SP140: variants seen among roughly 807,000 people sequenced by gnomAD.
The protein encoded by SP140 is nuclear body protein SP140.
A neutral mutation model predicts 125.0 loss-of-function variants in SP140; 81 were observed. The observed-to-expected ratio is 0.65, with a 90% CI of 0.54 to 0.78. The LOEUF (loss-of-function observed/expected upper bound fraction) is 0.78, where lower values mean the gene tolerates loss of function less well. Among genes scored for constraint, SP140 ranks in the 30% least tolerant of loss-of-function variants. SP140 has a pLI of 0.00. For missense variants in SP140, 858 were observed against 1,037.0 expected (o/e 0.83, Z 2.37); for synonymous variants, 312 against 354.0 (o/e 0.88, Z 1.33).
downstream of SP140, among the ~76,000 whole-genome samples, chr2:230,315,860 A>C (rs1390265536): frequency 6.6e-6 from 1 of 152,184 alleles, no homozygotes; most frequent in East Asian, 1.9e-4. Context: ...CCTAAAACTT[A>C]ACCAAGGAGT....
chr2:230,311,057 A>G, intron 24 of SP140, 97 bp from the exon 25 acceptor site: 1 of 1,594,192 alleles, frequency 6.3e-7, no homozygotes, highest in Non-Finnish European at 8.5e-7. Context: ...TGTTAGAGAA[A>G]CTTGAGGAAG....
chr2:230,211,510 G>T lies in SP140; in HGVS notation c.-322-2144G>T, dbSNP rs1167489264. ...AGGGAGAGTGGGGCATCTCTTGAGG[G>T]TCTTCTTTATCTCTTATTTGGGGGA... is the stretch of plus-strand genomic sequence containing the variant. On this transcript the variant is annotated intron_variant, in intron 1 of 4. Coordinates refer to the SP140 transcript ENST00000456542. The surrounding 1 kb of genome is among the most constrained non-coding windows in gnomAD (Gnocchi z 4.2). The T allele has an allele frequency of 1.9e-6, 3 of 1,612,030 alleles. No homozygotes were observed. Among genetic ancestry groups the T allele is most frequent in the Non-Finnish European group, 2.5e-6 (3 of 1,178,084 alleles).
the SP140 span, among the ~76,000 whole-genome samples, chr2:230,195,541 G>A: frequency 6.6e-6 from 1 of 152,012 alleles, no homozygotes; most frequent in African/African-American, 2.4e-5. Context: ...TGTTGGCCAG[G>A]CTGGTCTTGA....
chr2:230,248,004 T>C lies in SP140; in HGVS notation c.831T>C (p.Ser277=), dbSNP rs745919760. The change falls in exon 8 of 27, where the codon AGT becomes AGC. Residue 277 remains serine, a synonymous_variant. Coordinates refer to ENST00000392045, the MANE Select transcript of SP140 (RefSeq NM_007237.5). ...EKQGEEEGRN[S]PRKRNQDKEK... is the part of the protein sequence containing the mutation. ...AGGGAGAGGAGGAAGGCAGGAACAG[T>C]CCCAGAAAAAGAAACCAAGACAAGG... is the stretch of plus-strand genomic sequence containing the variant. 6.2e-7 allele frequency: 1 copy of C among 1,613,194 alleles called. No homozygotes were observed. The highest frequency in any genetic ancestry group is 8.5e-7 in the Non-Finnish European group (1 of 1,179,772).
upstream of SP140, among the ~76,000 whole-genome samples, chr2:230,200,087 G>A (rs2043064181): frequency 2.0e-5 from 3 of 152,156 alleles, no homozygotes; most frequent in South Asian, 6.2e-4. Flanking sequence ...AATACTACTA[G>A]ATAAGCCAGT....
intron 12 of SP140, 150 bp downstream of exon 12, chr2:230,255,682 A>G: frequency 7.2e-6 from 5 of 697,666 alleles, no homozygotes; most frequent in South Asian, 1.9e-5. Context: ...TTTTCTGTAC[A>G]TGAATCTTTT....
chr2:230,213,453 G>T (rs1235351404), intron 1 of SP140, among the ~76,000 whole-genome samples: 7 of 152,150 alleles, frequency 4.6e-5, no homozygotes, highest in Non-Finnish European at 7.4e-5. Flanking sequence ...CCTTAGCAGG[G>T]TGTATTAGGA....
At position 230,237,363 on chromosome 2, in the gene SP140, C is replaced by T; in HGVS notation, c.237+103C>T. On this transcript the variant is annotated intron_variant, in intron 2 of 26. Coordinates refer to ENST00000392045, the MANE Select transcript of SP140 (RefSeq NM_007237.5). The surrounding 1 kb of genome is among the most constrained non-coding windows in gnomAD (Gnocchi z 5.4). ...TAAAGGGCCTCCTGTGAGTGGGGACCTTCACCATTCTGTAGGTTAGGAGGT... is the reference window on the plus strand; with the variant it reads ...TAAAGGGCCTCCTGTGAGTGGGGACTTTCACCATTCTGTAGGTTAGGAGGT... The T allele has an allele frequency of 1.0e-6, 1 of 954,110 alleles. No homozygotes were observed. Among genetic ancestry groups the T allele is most frequent in the Non-Finnish European group, 1.6e-6 (1 of 631,956 alleles). 59.1% of individuals were successfully genotyped at this position (954,110 alleles called of 1,614,324 possible).
intron 22 of SP140, among the ~76,000 whole-genome samples, chr2:230,297,816 G>A (rs533662724): frequency 1.3e-5 from 2 of 152,142 alleles, no homozygotes; most frequent in Admixed American, 1.3e-4. Flanking sequence ...AATGTGAGAG[G>A]ATAACAGCAT....
chr2:230,244,746 C>T lies in SP140; in HGVS notation c.572-242C>T, dbSNP rs139823000. 6.8e-3 allele frequency among the ~76,000 whole-genome samples: 1,030 copies of T among 152,054 alleles called. 17 individuals carry two copies. Among genetic ancestry groups the T allele is most frequent in the African/African-American group, 0.023 (966 of 41,462 alleles). ...AATCCCAGGGAGTCAAGGAGATGGA[C>T]GGTGCTTCATGGCGTAGAAGCAAGA... On this transcript the variant is annotated intron_variant, in intron 5 of 26. Coordinates refer to ENST00000392045, the MANE Select transcript of SP140 (RefSeq NM_007237.5).
intron 3 of SP140, chr2:230,238,853 C>T: frequency 6.4e-7 from 1 of 1,553,454 alleles, no homozygotes; most frequent in East Asian, 2.4e-5. Context: ...TACTGGTACA[C>T]TGAGGAGGAG....
chr2:230,232,935 T>G (rs962261241), intron 1 of SP140, among the ~76,000 whole-genome samples: 1 of 152,220 alleles, frequency 6.6e-6, no homozygotes, highest in African/African-American at 2.4e-5. Flanking sequence ...TTGTATTTGC[T>G]TAATGAAACT....
At chr2:230,212,619 T>A (rs1486021780) in intron 1 of SP140, 2 of 1,231,416 alleles carry the variant, frequency 1.6e-6, no homozygotes, top group Non-Finnish European at 2.4e-6. Context: ...TCATAATCCC[T>A]CTTGAAAAGG....
At chr2:230,226,030 C>T (rs1559200479) in intron 1 of SP140, 127 bp downstream of exon 1, 6 of 744,394 alleles carry the variant, frequency 8.1e-6, no homozygotes, top group South Asian at 3.7e-5. Flanking sequence ...AAATAAATAA[C>T]GAGGCAATCA....
intron 24 of SP140, 150 bp downstream of exon 24, chr2:230,311,001 C>CA: frequency 1.2e-6 from 1 of 869,118 alleles, no homozygotes; most frequent in Non-Finnish European, 1.8e-6. Context: ...CTTGTTTGCA[C>CA]AAAAAATAAC....
intron 1 of SP140, among the ~76,000 whole-genome samples, chr2:230,204,618 T>G (rs905013074): frequency 3.3e-5 from 5 of 151,220 alleles, no homozygotes; most frequent in African/African-American, 1.2e-4. Context: ...TTTTTTTCAT[T>G]AAAAAAAAAT....
chr2:230,255,389 C>T, intron 11 of SP140, 63 bp from the exon 12 acceptor site: 1 of 1,581,298 alleles, frequency 6.3e-7, no homozygotes, highest in Non-Finnish European at 8.7e-7. Flanking sequence ...ACTAAGTTTT[C>T]TCTTCATGAT....
chr2:230,270,672 T>C (rs1476350407), intron 15 of SP140, 33 bp downstream of exon 15: 4 of 1,549,950 alleles, frequency 2.6e-6, no homozygotes, highest in Non-Finnish European at 2.7e-6. Context: ...TTGCTTTTGG[T>C]ATTACAAATA....
At chr2:230,280,831 A>T (rs1176227226) in intron 15 of SP140, among the ~76,000 whole-genome samples, 1 of 152,036 alleles carries the variant, frequency 6.6e-6, no homozygotes, top group African/African-American at 2.4e-5. Context: ...TATTTTGTAT[A>T]CTCACCATTG....
Sources: allele counts gnomAD v4.1 joint callset (sites outside exome capture counted in the v4.1 genomes callset), GRCh38; gene constraint gnomAD v4.1.1; non-coding constraint Gnocchi (gnomAD v3.1); transcripts MANE v1.5; gene names NCBI Gene and HGNC (gene_info 2026-07-23, HGNC 2026-07-21).